The following SDK1 variants were observed in gnomAD, a reference collection of about 807,000 sequenced individuals.
SDK1 encodes protein sidekick-1.
A neutral mutation model predicts 245.5 loss-of-function variants in SDK1; 157 were observed. The ratio of observed to expected loss-of-function variants is 0.64; its 90% CI spans 0.56 to 0.73. The LOEUF is 0.73. SDK1 is among the 30% of genes least tolerant of loss of function. The pLI, the probability that SDK1 is intolerant of heterozygous loss-of-function variation, is 0.00. For missense variants in SDK1, 3,583 were observed against 3,002.3 expected, an observed-to-expected ratio of 1.19 and a Z score of -4.52; for synonymous variants, 1,647 against 1,278.5, an observed-to-expected ratio of 1.29 and a Z score of -6.15.
At chr7:3,989,432 A>G (rs963335339) in intron 14 of SDK1, among the ~76,000 whole-genome samples, 1 of 152,142 alleles carries the variant, frequency 6.6e-6, no homozygotes, top group African/African-American at 2.4e-5. Flanking sequence ...TTGGGTGGGG[A>G]CACAGGTGAC....
chr7:3,546,371 G>A (rs985569012), intron 1 of SDK1, among the ~76,000 whole-genome samples: 1 of 152,190 alleles, frequency 6.6e-6, no homozygotes, highest in Non-Finnish European at 1.5e-5. Flanking sequence ...CTTGTGGAAC[G>A]TGAAGGCCCT....
At chr7:3,777,577 C>G (rs754879701) in intron 4 of SDK1, among the ~76,000 whole-genome samples, 9 of 152,324 alleles carry the variant, frequency 5.9e-5, no homozygotes, top group Non-Finnish European at 1.2e-4. Flanking sequence ...CAGCAGGCTT[C>G]TAAAGGACCT....
At chr7:3,451,930 G>A (rs1034664605) in intron 1 of SDK1, among the ~76,000 whole-genome samples, 1 of 152,144 alleles carries the variant, frequency 6.6e-6, no homozygotes, top group South Asian at 2.1e-4. Context: ...AGCATAGCAC[G>A]CAGGCTTCTC....
chr7:4,177,632 G>T (rs1782296336), intron 34 of SDK1, among the ~76,000 whole-genome samples: 1 of 152,144 alleles, frequency 6.6e-6, no homozygotes, highest in South Asian at 2.1e-4. Flanking sequence ...TCTAACTCAG[G>T]GGTCTCCAAC....
At chr7:3,927,380 G>A (rs1335618766) in intron 5 of SDK1, among the ~76,000 whole-genome samples, 2 of 152,028 alleles carry the variant, frequency 1.3e-5, no homozygotes, top group Admixed American at 6.5e-5. Context: ...CACCTACCGT[G>A]TGCTGGCTGC....
At chr7:3,465,938 G>T (rs1218403011) in intron 1 of SDK1, among the ~76,000 whole-genome samples, 1 of 152,134 alleles carries the variant, frequency 6.6e-6, no homozygotes, top group African/African-American at 2.4e-5. Context: ...AATAAAAAGT[G>T]TTGCTGTAAT....
chr7:3,730,885 C>T (rs1779156975), intron 4 of SDK1, among the ~76,000 whole-genome samples: 1 of 152,094 alleles, frequency 6.6e-6, no homozygotes, highest in African/African-American at 2.4e-5. Flanking sequence ...GACCCTTTTG[C>T]ATCTTTGCCA....
intron 4 of SDK1, among the ~76,000 whole-genome samples, chr7:3,747,699 G>T (rs1259352404): frequency 9.9e-6 from 1 of 101,504 alleles, no homozygotes; most frequent in African/African-American, 8.6e-5. Flanking sequence ...TTAGCCTGGG[G>T]TGTGTGTGTG....
At chr7:3,996,581 G>A (rs1210051592) in intron 14 of SDK1, among the ~76,000 whole-genome samples, 1 of 152,126 alleles carries the variant, frequency 6.6e-6, no homozygotes, top group Non-Finnish European at 1.5e-5. Context: ...TGTCAAGGTT[G>A]TCCTGAGATT....
intron 1 of SDK1, among the ~76,000 whole-genome samples, chr7:3,443,902 A>C (rs943996597): frequency 2.6e-5 from 4 of 152,262 alleles, no homozygotes; most frequent in African/African-American, 7.2e-5. Flanking sequence ...ACATGATGTC[A>C]ATATGACTGA....
chr7:3,424,959 T>G (rs1475360046), intron 1 of SDK1, among the ~76,000 whole-genome samples: 1 of 152,118 alleles, frequency 6.6e-6, no homozygotes, highest in African/African-American at 2.4e-5. Flanking sequence ...CAGCACAATA[T>G]TTTTCTTTTT....
chr7:3,971,509 T>C lies in SDK1; in HGVS notation c.1758T>C (p.Ile586=). ...IVHPPEDHVV[I]KGTTATLHCG... ...ACCCTCCTGAGGACCACGTGGTGAT[T>C]AAGGGGACCACGGCCACGCTGCACT... Residue 586 remains isoleucine (I), a synonymous_variant, in exon 12 of 45, where the codon ATT becomes ATC. Transcript: ENST00000404826. The C allele has an allele frequency of 6.2e-7, 1 of 1,613,754 alleles. No individual in the cohort carries two copies. The highest frequency in any genetic ancestry group is 1.1e-5 in the South Asian group (1 of 90,928).
intron 4 of SDK1, among the ~76,000 whole-genome samples, chr7:3,781,931 G>C (rs1583408011): frequency 6.6e-6 from 1 of 152,202 alleles, no homozygotes. Flanking sequence ...ACACTGTCAA[G>C]AGATGACACC....
chr7:3,423,291 C>T (rs1779582579), intron 1 of SDK1, among the ~76,000 whole-genome samples: 1 of 152,132 alleles, frequency 6.6e-6, no homozygotes, highest in African/African-American at 2.4e-5. Flanking sequence ...ATTGATTAAC[C>T]AGGCCCTGAA....
intron 22 of SDK1, among the ~76,000 whole-genome samples, chr7:4,101,452 A>T (rs1025215857): frequency 2.0e-5 from 3 of 152,060 alleles, no homozygotes; most frequent in Non-Finnish European, 4.4e-5. Flanking sequence ...CGGCGGAAAA[A>T]TTTGCATTTT....
Position 4,079,503 on chromosome 7 carries a change from C to G in SDK1, c.3243C>G (p.Ile1081Met). 2 of 1,614,240 alleles carry G rather than the reference C, an allele frequency of 1.2e-6. No homozygotes were observed. Among genetic ancestry groups the G allele is most frequent in the Non-Finnish European group, 1.7e-6 (2 of 1,180,042 alleles). ...GAPSNLVISN[I>M]SPRSATLQFR... ...CATCCAACCTGGTCATTTCCAACAT[C>G]AGCCCTCGCTCCGCCACCCTTCAGT... The change falls in exon 22 of 45, where the codon ATC becomes ATG. Residue 1081 changes from isoleucine to methionine, a missense_variant. Physicochemically the swap from Ile to Met is conservative, Grantham distance 10. Coordinates refer to ENST00000404826, the MANE Select transcript of SDK1 (RefSeq NM_152744.4).
chr7:3,891,708 G>A (rs149216089), intron 5 of SDK1, among the ~76,000 whole-genome samples: 3 of 152,168 alleles, frequency 2.0e-5, no homozygotes, highest in Non-Finnish European at 4.4e-5. Flanking sequence ...ATTTCATTGG[G>A]GACCTTGATA....
intron 1 of SDK1, among the ~76,000 whole-genome samples, chr7:3,354,393 A>G (rs1054428473): frequency 1.3e-5 from 2 of 152,056 alleles, no homozygotes; most frequent in African/African-American, 4.8e-5. Context: ...CCTTACATTT[A>G]TGTCTGGAAA....
At chr7:3,587,573 C>T (rs1444051666) in intron 1 of SDK1, among the ~76,000 whole-genome samples, 2 of 152,176 alleles carry the variant, frequency 1.3e-5, no homozygotes, top group Non-Finnish European at 2.9e-5. Flanking sequence ...AGTGTGAATC[C>T]AACTTTCCTC....
Sources: allele counts gnomAD v4.1 joint callset (sites outside exome capture counted in the v4.1 genomes callset), GRCh38; gene constraint gnomAD v4.1.1; transcripts MANE v1.5; gene names NCBI Gene and HGNC (gene_info 2026-07-23, HGNC 2026-07-21).